The following PSMA1 variants were observed in gnomAD, a reference collection of about 807,000 sequenced individuals.
PSMA1 encodes the protein proteasome subunit alpha type-1.
PSMA1 carries 3 observed loss-of-function variants against 38.4 expected under a neutral mutation model. The observed-to-expected ratio is 0.08, with a 90% CI of 0.04 to 0.20. The LOEUF is 0.20. Ranked by LOEUF, PSMA1 falls within the 10% of genes least tolerant of loss-of-function variation. PSMA1 has a pLI of 1.00. For synonymous variants in PSMA1, 101 were observed against 107.1 expected (o/e 0.94, Z 0.35); for missense variants, 227 against 325.3 (o/e 0.70, Z 2.32).
rs199519072 is a variant in PSMA1, at chr11:14,630,336, C to T, written c.-166+13119G>A. 2.5e-3 allele frequency among the ~76,000 whole-genome samples: 380 copies of T among 152,134 alleles called. 8 individuals are homozygous for T. In the South Asian group the frequency reaches 0.037, roughly 15 times the overall value. On this transcript the variant is annotated intron_variant, in intron 1 of 10. Coordinates refer to the PSMA1 transcript ENST00000418988. ...TAGCTCTTATTATTTTGAGATACGT[C>T]CCATCAATACCTAATTTATTGAGAG... is the stretch of plus-strand genomic sequence containing the variant.
chr11:14,578,276 T>C (rs1456965938), intron 2 of PSMA1, among the ~76,000 whole-genome samples: 1 of 152,160 alleles, frequency 6.6e-6, no homozygotes, highest in African/African-American at 2.4e-5. Flanking sequence ...AACCCTATTG[T>C]TTGTTGTCCT....
At chr11:14,609,129 ATTAT>A (rs1386903165) in intron 2 of PSMA1, among the ~76,000 whole-genome samples, 2 of 152,220 alleles carry the variant, frequency 1.3e-5, no homozygotes, top group Non-Finnish European at 2.9e-5. Flanking sequence ...AACATACTGA[ATTAT>A]AAGAGTTCTA....
intron 2 of PSMA1, among the ~76,000 whole-genome samples, chr11:14,537,376 A>T (rs1413403869): frequency 1.3e-5 from 2 of 152,192 alleles, no homozygotes; most frequent in Non-Finnish European, 2.9e-5. Flanking sequence ...TGTCCAAGTG[A>T]ATTTACATTC....
At chr11:14,571,124 G>A (rs549580003) in intron 2 of PSMA1, among the ~76,000 whole-genome samples, 79 of 152,258 alleles carry the variant, frequency 5.2e-4, no homozygotes, top group African/African-American at 1.9e-3. Context: ...GTGTACTGGC[G>A]AGATCGCGGA....
chr11:14,619,901 T>C (rs1293543053), intron 1 of PSMA1, among the ~76,000 whole-genome samples: 1 of 152,224 alleles, frequency 6.6e-6, no homozygotes, highest in South Asian at 2.1e-4. Flanking sequence ...ATAAGGTGAC[T>C]ATATGGCATC....
chr11:14,609,854 C>A (rs930952376), intron 2 of PSMA1, among the ~76,000 whole-genome samples: 17 of 152,242 alleles, frequency 1.1e-4, no homozygotes, highest in East Asian at 7.7e-4. Context: ...TGAATTAACA[C>A]GATCACCTGG....
At chr11:14,631,598 G>T (rs1416189891) in intron 1 of PSMA1, among the ~76,000 whole-genome samples, 5 of 152,126 alleles carry the variant, frequency 3.3e-5, no homozygotes, top group African/African-American at 4.8e-5. Flanking sequence ...ATGTGGTCAA[G>T]TTTGGAATAG....
intron 1 of PSMA1, among the ~76,000 whole-genome samples, chr11:14,639,886 G>A (rs1853175938): frequency 6.6e-6 from 1 of 152,082 alleles, no homozygotes; most frequent in Non-Finnish European, 1.5e-5. Flanking sequence ...TACTCCTACT[G>A]TAGTCTGGGC....
intron 2 of PSMA1, among the ~76,000 whole-genome samples, chr11:14,576,211 T>C (rs1378830014): frequency 6.6e-6 from 1 of 152,218 alleles, no homozygotes; most frequent in African/African-American, 2.4e-5. Flanking sequence ...TGTAAAAATT[T>C]TCTCCCATTC....
At chr11:14,591,299 G>C (rs951220954) in intron 2 of PSMA1, among the ~76,000 whole-genome samples, 1 of 152,216 alleles carries the variant, frequency 6.6e-6, no homozygotes, top group Non-Finnish European at 1.5e-5. Flanking sequence ...CTGGCTTCCC[G>C]AGGGGCAGGG....
At chr11:14,606,914 C>T (rs951395550) in intron 2 of PSMA1, among the ~76,000 whole-genome samples, 2 of 152,164 alleles carry the variant, frequency 1.3e-5, no homozygotes, top group African/African-American at 4.8e-5. Flanking sequence ...GAATAATAGG[C>T]TTACTGACAC....
intron 8 of PSMA1, among the ~76,000 whole-genome samples, chr11:14,508,907 TCA>T (rs1266934677): frequency 2.6e-5 from 3 of 114,928 alleles, no homozygotes; most frequent in Non-Finnish European, 3.6e-5. Flanking sequence ...ACCACCTCTC[TCA>T]GTCTTTTTTG....
chr11:14,526,471 T>C (rs369842956), intron 2 of PSMA1, among the ~76,000 whole-genome samples: 1 of 152,186 alleles, frequency 6.6e-6, no homozygotes, highest in Non-Finnish European at 1.5e-5. Context: ...GGCCATCATG[T>C]CTCCGTGCAG....
chr11:14,563,425 A>G (rs1389797085), intron 2 of PSMA1, among the ~76,000 whole-genome samples: 2 of 152,164 alleles, frequency 1.3e-5, no homozygotes, highest in African/African-American at 4.8e-5. Flanking sequence ...TCAAACCCAT[A>G]TCCTTAAACC....
At chr11:14,638,539 CTCTCTCTATATA>C (rs1486295529) in intron 1 of PSMA1, among the ~76,000 whole-genome samples, 26 of 19,194 alleles carry the variant, frequency 1.4e-3, no homozygotes, top group Non-Finnish European at 1.8e-3. Flanking sequence ...CTCTCTCTCT[CTCTCTCTATATA>C]TATATATATA....
chr11:14,520,106 G>C, intron 1 of PSMA1, 191 bp downstream of exon 1: 1 of 841,240 alleles, frequency 1.2e-6, no homozygotes, highest in Non-Finnish European at 1.9e-6. Context: ...TGGAAAGGCC[G>C]CACTGGCTAC....
At chr11:14,590,803 C>G (rs1019025548) in intron 2 of PSMA1, among the ~76,000 whole-genome samples, 1 of 152,216 alleles carries the variant, frequency 6.6e-6, no homozygotes, top group African/African-American at 2.4e-5. Context: ...ATGACCGGGA[C>G]GAGGCCATAC....
chr11:14,613,046 T>G (rs1356574514), intron 1 of PSMA1, among the ~76,000 whole-genome samples: 2 of 152,124 alleles, frequency 1.3e-5, no homozygotes, highest in Non-Finnish European at 2.9e-5. Context: ...CAAATTTCAC[T>G]GGATGGACAA....
intron 7 of PSMA1, 33 bp from the exon 8 acceptor site, chr11:14,510,984 T>C (rs1367142852): frequency 5.2e-5 from 72 of 1,386,238 alleles, no homozygotes; most frequent in Non-Finnish European, 6.8e-5. Flanking sequence ...TATTTCTTAA[T>C]TTCATTGTTA....
Sources: allele counts gnomAD v4.1 joint callset (sites outside exome capture counted in the v4.1 genomes callset), GRCh38; gene constraint gnomAD v4.1.1; transcripts MANE v1.5; gene names NCBI Gene and HGNC (gene_info 2026-07-23, HGNC 2026-07-21).